EXTL2: variants seen among roughly 807,000 people sequenced by gnomAD.
EXTL2 encodes exostosin like glycosyltransferase 2.
In EXTL2, 23 loss-of-function variants were observed where a neutral mutation model predicts 30.7. That is an observed-to-expected ratio of 0.75 (90% CI 0.54 to 1.06). The LOEUF is 1.06. Among genes scored for constraint, EXTL2 ranks in the 50% least tolerant of loss-of-function variants. The pLI, the probability that EXTL2 is intolerant of heterozygous loss-of-function variation, is 0.00. For missense variants in EXTL2, 352 were observed against 396.3 expected, an observed-to-expected ratio of 0.89 and a Z score of 0.95; for synonymous variants, 123 against 133.8, an observed-to-expected ratio of 0.92 and a Z score of 0.56.
Position 100,888,800 on chromosome 1 carries a change from G to A in EXTL2, c.-43C>T. 1 of 1,495,404 alleles carries A rather than the reference G, an allele frequency of 6.7e-7. No individual in the cohort carries two copies. Among genetic ancestry groups the A allele is most frequent in the Non-Finnish European group, 9.1e-7 (1 of 1,094,222 alleles). 92.6% of individuals were successfully genotyped at this position (1,495,404 alleles called of 1,614,324 possible). Reference sequence around the variant, plus strand: ...TTTAAAAAATCTCCTTATAGCTTCAGTAATTGACAGAAGCAGGCTCACTTG... The same window carrying A: ...TTTAAAAAATCTCCTTATAGCTTCAATAATTGACAGAAGCAGGCTCACTTG... On this transcript the variant is annotated 5_prime_UTR_variant, in exon 2 of 5. Transcript: ENST00000370114.
chr1:100,883,906 A>G (rs1293365000), intron 2 of EXTL2, among the ~76,000 whole-genome samples: 2 of 152,204 alleles, frequency 1.3e-5, no homozygotes, highest in Non-Finnish European at 2.9e-5. Flanking sequence ...TATATAGTAT[A>G]TTAAATAACA....
chr1:100,879,029 T>C (rs1649356489), intron 2 of EXTL2, among the ~76,000 whole-genome samples: 1 of 152,146 alleles, frequency 6.6e-6, no homozygotes, highest in Non-Finnish European at 1.5e-5. Flanking sequence ...AGTGAACAAA[T>C]TGATAAGTAC....
intron 2 of EXTL2, among the ~76,000 whole-genome samples, chr1:100,885,439 CA>C (rs908959563): frequency 4.6e-5 from 7 of 151,988 alleles, no homozygotes; most frequent in African/African-American, 1.7e-4. Context: ...TTTAAACAGA[CA>C]AAAAACCTCT....
Position 100,876,872 on chromosome 1 carries a change from G to T in EXTL2, c.434-8C>A, listed in dbSNP as rs768780366. The stretch of plus-strand genomic sequence containing the variant: ...CATCTACCATCAACACTGCTAAAAT[G>T]AAAGGACAAAAATTTAAGTTGAATA... On this transcript the variant is annotated splice_polypyrimidine_tract_variant and splice_region_variant and intron_variant, in intron 3 of 4. Coordinates refer to ENST00000370114, the MANE Select transcript of EXTL2 (RefSeq NM_001033025.3). The T allele has an allele frequency of 1.2e-6, 2 of 1,603,652 alleles. No individual in the cohort carries two copies. Among genetic ancestry groups the T allele is most frequent in the Non-Finnish European group, 1.7e-6 (2 of 1,171,312 alleles).
At chr1:100,890,629 G>A (rs545952815) in intron 1 of EXTL2, among the ~76,000 whole-genome samples, 1 of 152,314 alleles carries the variant, frequency 6.6e-6, no homozygotes, top group Admixed American at 6.5e-5. Flanking sequence ...TAGGGCAGGA[G>A]CAAAATGCCA....
rs751798209 is a variant in EXTL2, at chr1:100,876,811, C to T, written c.487G>A (p.Ala163Thr). ...TLISTPDLVF[A>T]FSVWQQFPDQ... ...AACATTACCTGCCAAACTGAGAAAG[C>T]AAAAACAAGGTCTGGGGTGCTGATG... Residue 163 changes from alanine to threonine, a missense_variant, in exon 4 of 5, where the codon GCT (alanine) becomes ACT (threonine). Ala to Thr is a moderately conservative substitution (Grantham distance 58, BLOSUM62 0). Transcript: ENST00000370114. The T allele has an allele frequency of 2.5e-6, 4 of 1,611,710 alleles. No individual in the cohort carries two copies. The African/African-American group carries it at 4.0e-5, about 16-fold the overall frequency.
Position 100,874,173 on chromosome 1 carries a change from C to T in EXTL2, c.762G>A (p.Lys254=). The part of the protein sequence containing the change: ...DDIAMNFIIA[K]HIGKTSGIFV... ...ATATCCCTGAAGTCTTGCCAATATG[C>T]TTGGCAATGATAAAATTCATGGCAA... is the stretch of plus-strand genomic sequence containing the variant. The change falls in exon 5 of 5, where the codon AAG becomes AAA. Residue 254 remains lysine (K), a synonymous_variant. Coordinates refer to ENST00000370114, the MANE Select transcript of EXTL2 (RefSeq NM_001033025.3). 6.2e-7 allele frequency: 1 copy of T among 1,612,914 alleles called. No homozygotes were observed. Among genetic ancestry groups the T allele is most frequent in the Non-Finnish European group, 8.5e-7 (1 of 1,179,420 alleles).
chr1:100,878,362 T>C (rs142035650), intron 2 of EXTL2: 79 of 470,224 alleles, frequency 1.7e-4, no homozygotes, highest in African/African-American at 1.5e-3. Context: ...AGCCCTGTAC[T>C]ATGTGCTTCA....
chr1:100,888,409 T>C (rs114285148), intron 2 of EXTL2: 21 of 196,222 alleles, frequency 1.1e-4, no homozygotes, highest in African/African-American at 4.4e-4. Flanking sequence ...TGCCACAACA[T>C]AGATGAATCT....
At chr1:100,892,139 G>A (rs1239835723) in intron 1 of EXTL2, among the ~76,000 whole-genome samples, 4 of 152,184 alleles carry the variant, frequency 2.6e-5, no homozygotes, top group African/African-American at 9.7e-5. Flanking sequence ...GTTTCTAGGT[G>A]TATTTGGGTG....
intron 4 of EXTL2, among the ~76,000 whole-genome samples, chr1:100,875,711 T>A (rs1649060460): frequency 6.6e-6 from 1 of 152,070 alleles, no homozygotes; most frequent in Admixed American, 6.6e-5. Flanking sequence ...TTGATATTTT[T>A]AAAAATAAAA....
At chr1:100,878,930 A>G (rs1232759397) in intron 2 of EXTL2, among the ~76,000 whole-genome samples, 1 of 152,050 alleles carries the variant, frequency 6.6e-6, no homozygotes, top group East Asian at 1.9e-4. Flanking sequence ...CTCTCACAGT[A>G]CAAATCACAA....
rs1443456047 is a variant in EXTL2, at chr1:100,877,981, G to T, written c.6-78C>A. ...GTGTTTTCATGTTTTTTTCCAATGA[G>T]GAAAGATATCAATCTTATTTTAGTT... On this transcript the variant is annotated intron_variant, in intron 2 of 4. Transcript: ENST00000370114. The surrounding 1 kb of genome is among the most constrained non-coding windows in gnomAD (Gnocchi z 4.1). 2 of 1,076,768 alleles carry T rather than the reference G, an allele frequency of 1.9e-6. No individual in the cohort carries two copies. Among genetic ancestry groups the T allele is most frequent in the African/African-American group, 3.1e-5 (2 of 63,544 alleles). 66.7% of individuals were successfully genotyped at this position (1,076,768 alleles called of 1,614,324 possible).
chr1:100,877,588 T>G lies in EXTL2; in HGVS notation c.321A>C (p.Pro107=). ...VVWNNIGEKA[P]DELWNSLGPH... ...GCCCTAGAGAATTCCATAATTCATC[T>G]GGTGCCTTCTCTCCAATATTGTTCC... The change falls in exon 3 of 5, where the codon CCA becomes CCC. Residue 107 remains proline (P), a synonymous_variant. Coordinates refer to ENST00000370114, the MANE Select transcript of EXTL2 (RefSeq NM_001033025.3). The surrounding 1 kb of genome is among the most constrained non-coding windows in gnomAD (Gnocchi z 4.1). 6.2e-7 allele frequency: 1 copy of G among 1,613,542 alleles called. No homozygotes were observed. Among genetic ancestry groups the G allele is most frequent in the Non-Finnish European group, 8.5e-7 (1 of 1,179,640 alleles).
rs977688773 is a variant in EXTL2, at chr1:100,888,804, T to C, written c.-47A>G. The C allele has an allele frequency of 1.4e-6, 2 of 1,480,288 alleles. No homozygotes were observed. The highest frequency in any genetic ancestry group is 1.4e-5 in the African/African-American group (1 of 71,444). The allele number at this position is 1,480,288 out of a possible 1,614,324, so 91.7% of individuals were successfully genotyped here. On this transcript the variant is annotated 5_prime_UTR_variant, in exon 2 of 5. Transcript: ENST00000370114. ...AAAAATCTCCTTATAGCTTCAGTAATTGACAGAAGCAGGCTCACTTGTCAC... is the reference window on the plus strand; with the variant it reads ...AAAAATCTCCTTATAGCTTCAGTAACTGACAGAAGCAGGCTCACTTGTCAC...
At chr1:100,881,880 C>A (rs1002259620) in intron 2 of EXTL2, among the ~76,000 whole-genome samples, 4 of 152,190 alleles carry the variant, frequency 2.6e-5, no homozygotes, top group African/African-American at 9.7e-5. Context: ...TGGTCTGCAG[C>A]CTGTTAGGAA....
At chr1:100,886,408 T>C (rs375956109) in intron 2 of EXTL2, among the ~76,000 whole-genome samples, 1 of 152,364 alleles carries the variant, frequency 6.6e-6, no homozygotes, top group East Asian at 1.9e-4. Context: ...ACAGGTTGAA[T>C]GAGCCATTTC....
intron 1 of EXTL2, among the ~76,000 whole-genome samples, chr1:100,893,109 G>A (rs1362604582): frequency 6.6e-6 from 1 of 152,166 alleles, no homozygotes; most frequent in East Asian, 1.9e-4. Context: ...CAATTAGTTG[G>A]TAGGAGAGAT....
At chr1:100,882,970 T>C (rs1292713581) in intron 2 of EXTL2, among the ~76,000 whole-genome samples, 1 of 152,210 alleles carries the variant, frequency 6.6e-6, no homozygotes, top group Non-Finnish European at 1.5e-5. Flanking sequence ...GTTTCCTTGT[T>C]TCACAGATAA....
Sources: allele counts gnomAD v4.1 joint callset (sites outside exome capture counted in the v4.1 genomes callset), GRCh38; gene constraint gnomAD v4.1.1; non-coding constraint Gnocchi (gnomAD v3.1); transcripts MANE v1.5; gene names NCBI Gene and HGNC (gene_info 2026-07-23, HGNC 2026-07-21).